Variants in SCG3 observed in about 807,000 individuals in gnomAD.
SCG3 encodes the protein secretogranin-3.
Under a neutral mutation model 56.2 loss-of-function variants are expected in SCG3, and 38 were observed. That is an observed-to-expected ratio of 0.68 (90% CI 0.52 to 0.89). The LOEUF is 0.89. Ranked by LOEUF, SCG3 falls within the 40% of genes least tolerant of loss-of-function variation. The pLI, the probability that SCG3 is intolerant of heterozygous loss-of-function variation, is 0.00. For missense variants in SCG3, 524 were observed against 540.7 expected (o/e 0.97, Z 0.31); for synonymous variants, 176 against 184.2 (o/e 0.96, Z 0.36).
Position 51,719,724 on chromosome 15 carries a change from A to G in SCG3, c.*198A>G. ...CTATCTGAAAGTAAAGTTGTATGTA[A>G]GCTGAGATTTTGTATACAGAATCCT... On this transcript the variant is annotated 3_prime_UTR_variant, in exon 12 of 12. Coordinates refer to ENST00000220478, the MANE Select transcript of SCG3 (RefSeq NM_013243.4). 1 of 553,294 alleles carries G rather than the reference A, an allele frequency of 1.8e-6. No homozygotes were observed. The highest frequency in any genetic ancestry group is 3.2e-6 in the Non-Finnish European group (1 of 313,118). 34.3% of individuals were successfully genotyped at this position (553,294 alleles called of 1,614,324 possible).
At chr15:51,708,794 G>C (rs1383806453) in intron 10 of SCG3, among the ~76,000 whole-genome samples, 1 of 151,966 alleles carries the variant, frequency 6.6e-6, no homozygotes, top group Non-Finnish European at 1.5e-5. Context: ...GGGAGGCGGA[G>C]TTTGCGGTGA....
At position 51,720,413 on chromosome 15, in the gene SCG3, A is replaced by T. The variant is rs1036486395; in HGVS notation, c.*887A>T. 6 of 152,242 alleles carry T rather than the reference A, an allele frequency of 3.9e-5. No individual in the cohort carries two copies. Among genetic ancestry groups the T allele is most frequent in the African/African-American group, 1.4e-4 (6 of 41,450 alleles). 9.4% of individuals were successfully genotyped at this position (152,242 alleles called of 1,614,324 possible). On this transcript the variant is annotated 3_prime_UTR_variant, in exon 12 of 12. Coordinates refer to ENST00000220478, the MANE Select transcript of SCG3 (RefSeq NM_013243.4). ...GCTTTCCTGGAGGAAAAGGTTAATG[A>T]ACTTCAGGTCCCTGCAACTCAGCCC...
intron 10 of SCG3, among the ~76,000 whole-genome samples, chr15:51,702,589 C>T (rs1261825180): frequency 6.6e-6 from 1 of 151,978 alleles, no homozygotes; most frequent in Admixed American, 6.6e-5. Context: ...TTTACCATAC[C>T]CCCAAAGAAA....
intron 10 of SCG3, among the ~76,000 whole-genome samples, chr15:51,707,425 A>G (rs1050519471): frequency 5.9e-5 from 9 of 152,250 alleles, no homozygotes; most frequent in African/African-American, 2.2e-4. Flanking sequence ...GTCCAAAAAC[A>G]ATGAGTCCAA....
intron 8 of SCG3, among the ~76,000 whole-genome samples, chr15:51,697,762 ATTGT>A (rs1429834676): frequency 7.2e-5 from 11 of 152,192 alleles, no homozygotes; most frequent in Non-Finnish European, 1.5e-4. Flanking sequence ...CAATGTAAAT[ATTGT>A]TTATCAAGAC....
At chr15:51,705,488 G>C (rs2055369507) in intron 10 of SCG3, among the ~76,000 whole-genome samples, 1 of 152,012 alleles carries the variant, frequency 6.6e-6, no homozygotes, top group Non-Finnish European at 1.5e-5. Flanking sequence ...GAGAGGAAGA[G>C]AGTAGACTAA....
At chr15:51,698,619 T>G (rs1159537743) in intron 8 of SCG3, among the ~76,000 whole-genome samples, 1 of 152,214 alleles carries the variant, frequency 6.6e-6, no homozygotes, top group Non-Finnish European at 1.5e-5. Context: ...AGGGATGGGA[T>G]AGTCTGGCTT....
At chr15:51,686,701 T>A (rs1180665329) in intron 4 of SCG3, among the ~76,000 whole-genome samples, 5 of 146,314 alleles carry the variant, frequency 3.4e-5, no homozygotes, top group Admixed American at 2.7e-4. Flanking sequence ...GTTTGTTTGT[T>A]TGTATGTTTG....
intron 11 of SCG3, among the ~76,000 whole-genome samples, chr15:51,716,861 A>G (rs2055459829): frequency 6.6e-6 from 1 of 152,246 alleles, no homozygotes; most frequent in Non-Finnish European, 1.5e-5. Flanking sequence ...TTGCATGTCC[A>G]GGCCTCTGGA....
intron 1 of SCG3, 112 bp downstream of exon 1, chr15:51,681,949 A>G (rs1359173279): frequency 1.2e-5 from 9 of 754,344 alleles, no homozygotes; most frequent in Non-Finnish European, 1.9e-5. Flanking sequence ...TGATCAAATC[A>G]TATCCATGAA....
intron 11 of SCG3, 92 bp from the exon 12 acceptor site, chr15:51,719,316 T>C (rs1219301307): frequency 1.2e-5 from 10 of 813,158 alleles, no homozygotes; most frequent in South Asian, 3.1e-5. Context: ...AATTGTGTTA[T>C]TGTATAAAAT....
At chr15:51,710,772 T>TTC (rs1366308740) in intron 10 of SCG3, among the ~76,000 whole-genome samples, 21 of 147,744 alleles carry the variant, frequency 1.4e-4, no homozygotes, top group African/African-American at 4.2e-4. Context: ...TTTTTTTTTT[T>TTC]TTTGGTAGAC....
At chr15:51,704,244 C>CATATATATATATATATATATATAT (rs750951935) in intron 10 of SCG3, among the ~76,000 whole-genome samples, 2 of 73,628 alleles carry the variant, frequency 2.7e-5, no homozygotes, top group African/African-American at 4.8e-5. Context: ...TACATACATA[C>CATATATATATATATATATATATAT]ATATATATAT....
chr15:51,711,125 A>G (rs1038440340), intron 10 of SCG3, among the ~76,000 whole-genome samples: 4 of 152,250 alleles, frequency 2.6e-5, no homozygotes, highest in Admixed American at 1.3e-4. Context: ...ACAGTAGAAC[A>G]TGCCTAAGGA....
intron 4 of SCG3, among the ~76,000 whole-genome samples, chr15:51,685,057 T>C (rs2055219734): frequency 1.3e-5 from 2 of 152,224 alleles, no homozygotes; most frequent in Non-Finnish European, 1.5e-5. Context: ...AGAAAACAAC[T>C]GACTATTAAA....
chr15:51,695,395 T>G (rs985538500), intron 7 of SCG3, among the ~76,000 whole-genome samples: 2 of 152,192 alleles, frequency 1.3e-5, no homozygotes, highest in Non-Finnish European at 2.9e-5. Flanking sequence ...TTACCTCAGG[T>G]TGAAAACTGT....
chr15:51,682,748 A>G (rs2055202831), intron 2 of SCG3, among the ~76,000 whole-genome samples, 179 bp downstream of exon 2: 1 of 152,194 alleles, frequency 6.6e-6, no homozygotes, highest in Non-Finnish European at 1.5e-5. Flanking sequence ...CCTAGCAGTT[A>G]TTTACATTGA....
intron 4 of SCG3, among the ~76,000 whole-genome samples, chr15:51,685,394 C>G (rs2055222133): frequency 6.6e-6 from 1 of 152,140 alleles, no homozygotes; most frequent in African/African-American, 2.4e-5. Flanking sequence ...TGTTTTTGAT[C>G]TGACCGCTAA....
Position 51,689,300 on chromosome 15 carries a change from T to A in SCG3, c.622T>A (p.Tyr208Asn). 1 of 1,613,862 alleles carries A rather than the reference T, an allele frequency of 6.2e-7. No homozygotes were observed. ...ATTAATCTCAAAGGAAGCCAACAAT[T>A]ATGAGGAGGATCCCAATAAGCCCAC... is the stretch of plus-strand genomic sequence containing the variant. The part of the protein sequence containing the change: ...QKLISKEANN[Y>N]EEDPNKPTSW... Residue 208 changes from tyrosine to asparagine, a missense_variant, in exon 6 of 12, where the codon TAT (tyrosine) becomes AAT (asparagine). Tyr to Asn is a moderately radical substitution (Grantham distance 143). Transcript: ENST00000220478.
Sources: allele counts gnomAD v4.1 joint callset (sites outside exome capture counted in the v4.1 genomes callset), GRCh38; gene constraint gnomAD v4.1.1; transcripts MANE v1.5; gene names NCBI Gene and HGNC (gene_info 2026-07-23, HGNC 2026-07-21).